ATXN1: variants seen among roughly 807,000 people sequenced by gnomAD.
ATXN1 encodes the protein ataxin 1, also known as ataxin-1.
Under a neutral mutation model 56.4 loss-of-function variants are expected in ATXN1, and 8 were observed. That is an observed-to-expected ratio of 0.14 (90% CI 0.08 to 0.26). The LOEUF (loss-of-function observed/expected upper bound fraction) is 0.26. Among genes scored for constraint, ATXN1 ranks in the 10% least tolerant of loss-of-function variants. The pLI is 1.00. For synonymous variants in ATXN1, 514 were observed against 494.6 expected, an observed-to-expected ratio of 1.04 and a Z score of -0.52; for missense variants, 987 against 1,106.5, an observed-to-expected ratio of 0.89 and a Z score of 1.53.
chr6:16,447,309 T>C (rs1190149436), intron 6 of ATXN1, among the ~76,000 whole-genome samples: 1 of 152,194 alleles, frequency 6.6e-6, no homozygotes, highest in Non-Finnish European at 1.5e-5. Flanking sequence ...ACTGCAACCT[T>C]GGCCTCTTGG....
rs566829814 is a variant in ATXN1 at position 16,308,997 on chromosome 6, C to T, written c.1918-2138G>A. Among the ~76,000 whole-genome samples, 5 of 151,976 alleles carry T rather than the reference C, an allele frequency of 3.3e-5. No homozygotes were observed. The East Asian group carries it at 5.8e-4, about 18-fold the overall frequency. ...ATCTCAGTACTTTGGGAGGCTGAGA[C>T]AGGGAGGATCACTTGAGGCCAGGAG... On this transcript the variant is annotated intron_variant, in intron 7 of 7. Coordinates refer to ENST00000436367, the MANE Select transcript of ATXN1 (RefSeq NM_001128164.2).
At chr6:16,707,881 G>A (rs1008720648) in intron 2 of ATXN1, among the ~76,000 whole-genome samples, 4 of 152,086 alleles carry the variant, frequency 2.6e-5, no homozygotes, top group South Asian at 2.1e-4. Flanking sequence ...AAAAAAATCC[G>A]ATCTATCCAA....
intron 4 of ATXN1, among the ~76,000 whole-genome samples, chr6:16,566,818 T>C (rs1171399740): frequency 6.6e-6 from 1 of 152,090 alleles, no homozygotes; most frequent in Non-Finnish European, 1.5e-5. Context: ...ATCACACCAC[T>C]GCACTCCAGC....
chr6:16,430,549 A>C (rs938672496), intron 6 of ATXN1, among the ~76,000 whole-genome samples: 2 of 152,236 alleles, frequency 1.3e-5, no homozygotes, highest in Non-Finnish European at 2.9e-5. Flanking sequence ...TTACTTACAC[A>C]GATGTTCCAT....
intron 4 of ATXN1, among the ~76,000 whole-genome samples, chr6:16,576,526 C>T (rs1018984265): frequency 3.5e-4 from 54 of 152,220 alleles, no homozygotes; most frequent in African/African-American, 1.3e-3. Flanking sequence ...TATGTAACTC[C>T]TACTATTGTT....
intron 3 of ATXN1, among the ~76,000 whole-genome samples, chr6:16,617,628 G>C (rs138305602): frequency 6.6e-6 from 1 of 151,916 alleles, no homozygotes. Context: ...TTAGCCGGGC[G>C]TGGTGGCGGG....
intron 6 of ATXN1, among the ~76,000 whole-genome samples, chr6:16,482,058 A>AAGTGGATCT (rs1277284047): frequency 2.8e-4 from 43 of 151,924 alleles, no homozygotes; most frequent in African/African-American, 9.4e-4. Flanking sequence ...ATTTCTTTAT[A>AAGTGGATCT]CACATCAAGT....
intron 6 of ATXN1, among the ~76,000 whole-genome samples, chr6:16,423,558 G>T (rs971082130): frequency 6.6e-6 from 1 of 152,150 alleles, no homozygotes; most frequent in African/African-American, 2.4e-5. Flanking sequence ...AGAGAATTTT[G>T]CAGCTTCTTG....
At chr6:16,684,122 C>T (rs1034618589) in intron 2 of ATXN1, among the ~76,000 whole-genome samples, 2 of 152,200 alleles carry the variant, frequency 1.3e-5, no homozygotes, top group Non-Finnish European at 2.9e-5. Context: ...GGACTATTGT[C>T]AAACCTTCTT....
At chr6:16,379,327 T>C (rs1463316541) in intron 6 of ATXN1, among the ~76,000 whole-genome samples, 1 of 152,176 alleles carries the variant, frequency 6.6e-6, no homozygotes, top group African/African-American at 2.4e-5. Context: ...GCTCAGGTGA[T>C]GGGTGCACCA....
At chr6:16,500,103 C>T (rs1223103923) in intron 5 of ATXN1, among the ~76,000 whole-genome samples, 2 of 152,236 alleles carry the variant, frequency 1.3e-5, no homozygotes, top group African/African-American at 4.8e-5. Flanking sequence ...TGTCACCTTG[C>T]ACCACTTGCA....
intron 3 of ATXN1, among the ~76,000 whole-genome samples, chr6:16,627,854 A>G (rs935082446): frequency 2.0e-5 from 3 of 152,204 alleles, no homozygotes; most frequent in Admixed American, 6.5e-5. Context: ...CTTGTGAGCA[A>G]TAAGTCGAAG....
At position 16,694,003 on chromosome 6, in the gene ATXN1, T is replaced by C. The variant is rs1369250409; in HGVS notation, c.-614-36102A>G. On this transcript the variant is annotated intron_variant, in intron 2 of 7. Coordinates refer to ENST00000436367, the MANE Select transcript of ATXN1 (RefSeq NM_001128164.2). ...TTCAAGGATCACTAATGTGCAGAAA[T>C]ACAAAAGTCAAAACTTGAAACAATG... Among the ~76,000 whole-genome samples the C allele has an allele frequency of 5.3e-5, 8 of 152,318 alleles. No individual in the cohort carries two copies. In the East Asian group the frequency reaches 1.5e-3, roughly 29 times the overall value.
At chr6:16,691,285 T>C (rs1415022116) in intron 2 of ATXN1, among the ~76,000 whole-genome samples, 1 of 152,228 alleles carries the variant, frequency 6.6e-6, no homozygotes, top group Non-Finnish European at 1.5e-5. Context: ...ATCATATTCC[T>C]TACACCTACG....
At chr6:16,353,223 A>G (rs1327163022) in intron 6 of ATXN1, among the ~76,000 whole-genome samples, 1 of 152,204 alleles carries the variant, frequency 6.6e-6, no homozygotes, top group Non-Finnish European at 1.5e-5. Context: ...GTTCTAGGAA[A>G]ATACTCCACA....
At chr6:16,416,990 C>G (rs1021913785) in intron 6 of ATXN1, among the ~76,000 whole-genome samples, 65 of 152,120 alleles carry the variant, frequency 4.3e-4, no homozygotes, top group African/African-American at 1.6e-3. Flanking sequence ...GGCACCTAAC[C>G]CTACAATATT....
chr6:16,399,400 G>A (rs1330897771), intron 6 of ATXN1, among the ~76,000 whole-genome samples: 1 of 152,152 alleles, frequency 6.6e-6, no homozygotes, highest in Non-Finnish European at 1.5e-5. Context: ...AGCAAATAGG[G>A]CCAAGGCGCT....
intron 4 of ATXN1, among the ~76,000 whole-genome samples, chr6:16,553,713 T>A (rs529144407): frequency 2.0e-5 from 3 of 152,206 alleles, no homozygotes; most frequent in African/African-American, 4.8e-5. Flanking sequence ...TGTTACCGCA[T>A]GGGCCCTCAC....
At chr6:16,493,765 T>C (rs1372309018) in intron 5 of ATXN1, among the ~76,000 whole-genome samples, 3 of 152,186 alleles carry the variant, frequency 2.0e-5, no homozygotes, top group Admixed American at 2.0e-4. Context: ...AGGACAGGTG[T>C]TCAAATGGAA....
Sources: allele counts gnomAD v4.1 joint callset (sites outside exome capture counted in the v4.1 genomes callset), GRCh38; gene constraint gnomAD v4.1.1; transcripts MANE v1.5; gene names NCBI Gene and HGNC (gene_info 2026-07-23, HGNC 2026-07-21).